Variants in EIF4G3 observed in about 807,000 individuals in gnomAD.
EIF4G3 encodes eukaryotic translation initiation factor 4 gamma 3, also known as eIF-4-gamma 3.
Under a neutral mutation model 186.4 loss-of-function variants are expected in EIF4G3, and 34 were observed. The ratio of observed to expected loss-of-function variants is 0.18; its 90% confidence interval spans 0.14 to 0.24. The LOEUF (loss-of-function observed/expected upper bound fraction) is 0.24, where lower values mean the gene tolerates loss of function less well. Among genes scored for constraint, EIF4G3 ranks in the 10% least tolerant of loss-of-function variants. The pLI is 1.00. For missense variants in EIF4G3, 1,536 were observed against 1,948.5 expected, an observed-to-expected ratio of 0.79 and a Z score of 3.99; for synonymous variants, 673 against 679.5, an observed-to-expected ratio of 0.99 and a Z score of 0.15.
chr1:20,924,937 T>C (rs1294198333), intron 14 of EIF4G3, among the ~76,000 whole-genome samples: 1 of 152,234 alleles, frequency 6.6e-6, no homozygotes, highest in Non-Finnish European at 1.5e-5. Flanking sequence ...CTGGCTTTAA[T>C]TATGACAAAA....
At chr1:20,815,807 C>T (rs1315688874) in intron 34 of EIF4G3, among the ~76,000 whole-genome samples, 13 of 130,416 alleles carry the variant, frequency 1.0e-4, no homozygotes, top group Non-Finnish European at 1.9e-4. Context: ...CCCGGCCAGC[C>T]GCCCAGTCCG....
intron 36 of EIF4G3, among the ~76,000 whole-genome samples, chr1:20,809,262 T>C (rs927021327): frequency 6.6e-6 from 1 of 152,214 alleles, no homozygotes; most frequent in Non-Finnish European, 1.5e-5. Flanking sequence ...GTAATTATAT[T>C]AGTTAAGCTA....
intron 4 of EIF4G3, among the ~76,000 whole-genome samples, chr1:21,047,519 C>A (rs1409071694): frequency 6.6e-6 from 1 of 152,138 alleles, no homozygotes; most frequent in African/African-American, 2.4e-5. Flanking sequence ...TGGACTCATT[C>A]ATTTCACCTA....
chr1:20,893,263 G>T, intron 18 of EIF4G3: 1 of 288,596 alleles, frequency 3.5e-6, no homozygotes, highest in African/African-American at 2.2e-5. Flanking sequence ...CCTATTTGCA[G>T]GTCACCTCAA....
intron 12 of EIF4G3, among the ~76,000 whole-genome samples, chr1:20,963,321 A>C (rs1016080372): frequency 6.6e-6 from 1 of 152,092 alleles, no homozygotes; most frequent in African/African-American, 2.4e-5. Context: ...TTCCCAATGT[A>C]TTTACTGAAA....
intron 7 of EIF4G3, among the ~76,000 whole-genome samples, chr1:20,996,956 T>C (rs560235017): frequency 1.3e-5 from 2 of 152,220 alleles, no homozygotes; most frequent in Admixed American, 1.3e-4. Flanking sequence ...TCCAATAGGA[T>C]AGAAGTATGA....
At chr1:21,095,331 A>G (rs2096337295) in intron 2 of EIF4G3, among the ~76,000 whole-genome samples, 1 of 152,166 alleles carries the variant, frequency 6.6e-6, no homozygotes. Flanking sequence ...GTACACAACT[A>G]GAAACCATTA....
chr1:21,054,351 C>G (rs2094463023), intron 3 of EIF4G3, among the ~76,000 whole-genome samples: 1 of 113,776 alleles, frequency 8.8e-6, no homozygotes, highest in African/African-American at 2.9e-5. Context: ...GCAGGGTCCT[C>G]TGCCTAGGAA....
chr1:20,956,385 G>A (rs541287691), intron 12 of EIF4G3, among the ~76,000 whole-genome samples: 1 of 152,254 alleles, frequency 6.6e-6, no homozygotes, highest in East Asian at 1.9e-4. Context: ...GGGCTGTTGT[G>A]TACAGAATCA....
At chr1:20,911,841 T>G (rs2154558321) in intron 14 of EIF4G3, among the ~76,000 whole-genome samples, 1 of 152,118 alleles carries the variant, frequency 6.6e-6, no homozygotes, top group South Asian at 2.1e-4. Flanking sequence ...TTTTCTTAGA[T>G]CTTTAGCTAA....
intron 2 of EIF4G3, among the ~76,000 whole-genome samples, chr1:21,114,446 T>C (rs1439633600): frequency 6.6e-6 from 1 of 152,208 alleles, no homozygotes; most frequent in African/African-American, 2.4e-5. Context: ...GCTGTAATTT[T>C]ACCACTGGCA....
At chr1:20,918,084 A>G (rs1034250821) in intron 14 of EIF4G3, among the ~76,000 whole-genome samples, 1 of 152,158 alleles carries the variant, frequency 6.6e-6, no homozygotes, top group African/African-American at 2.4e-5. Context: ...AAACAAAGGT[A>G]ATATTCCTCT....
chr1:21,139,763 C>G (rs975103944), intron 2 of EIF4G3, among the ~76,000 whole-genome samples: 1 of 152,084 alleles, frequency 6.6e-6, no homozygotes, highest in South Asian at 2.1e-4. Flanking sequence ...TTTACAGCCA[C>G]GATCATCACA....
intron 17 of EIF4G3, 124 bp from the exon 18 acceptor site, chr1:20,893,760 G>A (rs865985390): frequency 4.6e-6 from 5 of 1,090,632 alleles, no homozygotes; most frequent in East Asian, 2.7e-5. Context: ...TTTGGAACCC[G>A]CAGAAGTCCA....
At chr1:21,138,241 A>G (rs1255797578) in intron 2 of EIF4G3, among the ~76,000 whole-genome samples, 1 of 152,220 alleles carries the variant, frequency 6.6e-6, no homozygotes, top group Non-Finnish European at 1.5e-5. Context: ...CTGTCCATCC[A>G]TATTTATAGA....
chr1:20,844,707 C>T (rs975770155), intron 29 of EIF4G3, among the ~76,000 whole-genome samples: 1 of 151,990 alleles, frequency 6.6e-6, no homozygotes, highest in African/African-American at 2.4e-5. Flanking sequence ...TGGCGGGCGC[C>T]TGTAATCCCA....
At chr1:21,105,548 A>C (rs756559275) in intron 2 of EIF4G3, among the ~76,000 whole-genome samples, 1 of 152,208 alleles carries the variant, frequency 6.6e-6, no homozygotes, top group Non-Finnish European at 1.5e-5. Context: ...TTAAGATTAA[A>C]TAAAATACAT....
intron 3 of EIF4G3, among the ~76,000 whole-genome samples, chr1:21,086,738 G>A (rs553907257): frequency 1.6e-4 from 24 of 151,910 alleles, no homozygotes; most frequent in Non-Finnish European, 3.4e-4. Context: ...TCAGGAGTTC[G>A]AGACCAGCCT....
chr1:21,163,046 G>A (rs2097791810), intron 2 of EIF4G3, among the ~76,000 whole-genome samples: 1 of 152,142 alleles, frequency 6.6e-6, no homozygotes, highest in South Asian at 2.1e-4. Flanking sequence ...AAAAATCACT[G>A]GCTCATGGTG....
Sources: gnomAD v4.1 joint callset for allele counts (sites outside exome capture counted in the v4.1 genomes callset) on GRCh38, gnomAD v4.1.1 for gene constraint, MANE v1.5 for transcripts, NCBI Gene and HGNC (gene_info 2026-07-23, HGNC 2026-07-21) for gene names.